TMEM108: variants seen among roughly 807,000 people sequenced by gnomAD.
The protein encoded by TMEM108 is transmembrane protein 108.
Under a neutral mutation model 35.1 loss-of-function variants are expected in TMEM108, and 12 were observed. The ratio of observed to expected loss-of-function variants is 0.34; its 90% CI spans 0.22 to 0.55. The LOEUF is 0.55. TMEM108 is among the 20% of genes least tolerant of loss of function. The pLI is 0.89. For synonymous variants in TMEM108, 287 were observed against 308.6 expected, an observed-to-expected ratio of 0.93 and a Z score of 0.73; for missense variants, 680 against 753.3, an observed-to-expected ratio of 0.90 and a Z score of 1.14.
At chr3:133,080,923 CT>C (rs1943801782) in intron 2 of TMEM108, among the ~76,000 whole-genome samples, 1 of 152,206 alleles carries the variant, frequency 6.6e-6, no homozygotes, top group Non-Finnish European at 1.5e-5. Flanking sequence ...TCCCCTTTAG[CT>C]CCTTAAAGCT....
intron 2 of TMEM108, among the ~76,000 whole-genome samples, chr3:133,094,616 C>G (rs1472931595): frequency 1.3e-5 from 2 of 152,180 alleles, no homozygotes; most frequent in African/African-American, 4.8e-5. Context: ...CATATGGCAC[C>G]CAGTAGACTT....
At chr3:133,116,951 G>A (rs1559837426) in intron 2 of TMEM108, among the ~76,000 whole-genome samples, 1 of 152,070 alleles carries the variant, frequency 6.6e-6, no homozygotes, top group Non-Finnish European at 1.5e-5. Context: ...TGTATTTTTA[G>A]TAGAGATGGG....
chr3:133,217,867 T>C (rs1945932477), intron 2 of TMEM108, among the ~76,000 whole-genome samples: 1 of 152,082 alleles, frequency 6.6e-6, no homozygotes, highest in African/African-American at 2.4e-5. Flanking sequence ...TGCCTCCATA[T>C]TTGTTCTTTT....
At chr3:133,113,089 A>C (rs1944245599) in intron 2 of TMEM108, among the ~76,000 whole-genome samples, 1 of 152,186 alleles carries the variant, frequency 6.6e-6, no homozygotes, top group Admixed American at 6.6e-5. Flanking sequence ...GACATTGGAA[A>C]GGTTGCTGCT....
intron 1 of TMEM108, among the ~76,000 whole-genome samples, chr3:133,040,988 A>G (rs1397937404): frequency 2.0e-5 from 3 of 152,216 alleles, no homozygotes; most frequent in African/African-American, 7.2e-5. Context: ...CTTCATATTG[A>G]GAGGGATCTG....
intron 3 of TMEM108, among the ~76,000 whole-genome samples, chr3:133,349,667 C>A: frequency 6.6e-6 from 1 of 151,464 alleles, no homozygotes; most frequent in African/African-American, 2.4e-5. Flanking sequence ...AAATGGCCAA[C>A]AGATACATGA....
chr3:133,299,525 T>C (rs1256072084), intron 3 of TMEM108, among the ~76,000 whole-genome samples: 2 of 152,182 alleles, frequency 1.3e-5, no homozygotes, highest in Admixed American at 6.5e-5. Flanking sequence ...ATATAGAAGA[T>C]GACTTGGAGC....
intron 2 of TMEM108, among the ~76,000 whole-genome samples, chr3:133,123,896 A>T (rs995103960): frequency 1.3e-5 from 2 of 152,186 alleles, no homozygotes; most frequent in Non-Finnish European, 2.9e-5. Flanking sequence ...GTAGGAGTAG[A>T]AATGCCTATC....
At chr3:133,254,078 C>T (rs1305995601) in intron 3 of TMEM108, among the ~76,000 whole-genome samples, 3 of 152,168 alleles carry the variant, frequency 2.0e-5, no homozygotes, top group Non-Finnish European at 4.4e-5. Flanking sequence ...TGGGTCACAC[C>T]TGCAATCCCT....
At position 133,367,128 on chromosome 3, in the gene TMEM108, G is replaced by A. The variant is rs533238838; in HGVS notation, c.41-12624G>A. 3.9e-5 allele frequency among the ~76,000 whole-genome samples: 6 copies of A among 152,318 alleles called. No homozygotes were observed. In the East Asian group the frequency reaches 7.7e-4, roughly 20 times the overall value. On this transcript the variant is annotated intron_variant, in intron 3 of 5. Transcript: ENST00000321871. The stretch of plus-strand genomic sequence containing the variant: ...CATGAAATGGGCCAGAGGTTTAGAT[G>A]TTTCCCATAAGTAAGGAATGAATCT...
intron 3 of TMEM108, among the ~76,000 whole-genome samples, chr3:133,296,826 A>G (rs1947152319): frequency 6.6e-6 from 1 of 152,228 alleles, no homozygotes; most frequent in African/African-American, 2.4e-5. Context: ...AAGCATGTCT[A>G]GCTAATTCTC....
intron 3 of TMEM108, among the ~76,000 whole-genome samples, chr3:133,342,200 C>A (rs80302531): frequency 6.6e-6 from 1 of 151,178 alleles, no homozygotes; most frequent in East Asian, 1.9e-4. Context: ...AATCTAATAC[C>A]CCAATTTAAA....
At chr3:133,372,535 T>C (rs1204303054) in intron 3 of TMEM108, among the ~76,000 whole-genome samples, 6 of 152,294 alleles carry the variant, frequency 3.9e-5, no homozygotes. Flanking sequence ...ACAAGGTGAA[T>C]TCATGTTGGC....
intron 3 of TMEM108, among the ~76,000 whole-genome samples, chr3:133,299,515 A>T (rs761372959): frequency 1.1e-4 from 16 of 152,162 alleles, no homozygotes; most frequent in Non-Finnish European, 1.5e-4. Context: ...CAGTACGTTT[A>T]TATAGAAGAT....
At chr3:133,186,805 G>T (rs1318933199) in intron 2 of TMEM108, among the ~76,000 whole-genome samples, 1 of 152,112 alleles carries the variant, frequency 6.6e-6, no homozygotes, top group Non-Finnish European at 1.5e-5. Context: ...ATATCATATT[G>T]CTTCCAGACA....
At chr3:133,364,567 T>C (rs1273031145) in intron 3 of TMEM108, among the ~76,000 whole-genome samples, 1 of 152,184 alleles carries the variant, frequency 6.6e-6, no homozygotes, top group Non-Finnish European at 1.5e-5. Flanking sequence ...AAAAGGCTTA[T>C]ATACCATCTA....
intron 2 of TMEM108, among the ~76,000 whole-genome samples, chr3:133,126,471 C>A (rs1255095857): frequency 6.7e-6 from 1 of 150,326 alleles, no homozygotes; most frequent in Non-Finnish European, 1.5e-5. Context: ...TGTCCCCGCC[C>A]CCCCCAGAAA....
intron 2 of TMEM108, among the ~76,000 whole-genome samples, chr3:133,154,712 G>A (rs1177325039): frequency 6.6e-6 from 1 of 151,996 alleles, no homozygotes; most frequent in African/African-American, 2.4e-5. Context: ...GGACTGTTGT[G>A]GGGTGGGGGG....
intron 3 of TMEM108, among the ~76,000 whole-genome samples, chr3:133,320,558 G>C (rs754449348): frequency 6.6e-6 from 1 of 152,208 alleles, no homozygotes. Flanking sequence ...TGGTGTTCCT[G>C]AGGAAGAAGA....
Sources: allele counts gnomAD v4.1 joint callset (sites outside exome capture counted in the v4.1 genomes callset), GRCh38; gene constraint gnomAD v4.1.1; transcripts MANE v1.5; gene names NCBI Gene and HGNC (gene_info 2026-07-23, HGNC 2026-07-21).